Variants in GARS1 observed in about 807,000 individuals in gnomAD.
GARS1 encodes the protein glycine--tRNA ligase.
Under a neutral mutation model 86.4 loss-of-function variants are expected in GARS1, and 46 were observed. The observed-to-expected ratio is 0.53, with a 90% CI of 0.42 to 0.68. The LOEUF is 0.68. Among genes scored for constraint, GARS1 ranks in the 30% least tolerant of loss-of-function variants. The probability of loss-of-function intolerance (pLI) is 0.00; values close to 1 mark genes in which losing one functional copy is unlikely to be tolerated. For synonymous variants in GARS1, 342 were observed against 329.8 expected, an observed-to-expected ratio of 1.04 and a Z score of -0.40; for missense variants, 797 against 915.6, an observed-to-expected ratio of 0.87 and a Z score of 1.67.
intron 7 of GARS1, among the ~76,000 whole-genome samples, chr7:30,611,062 T>C (rs1473112625): frequency 6.6e-6 from 1 of 152,238 alleles, no homozygotes; most frequent in Non-Finnish European, 1.5e-5. Context: ...GTAAAATACT[T>C]ATTCTGAAGT....
intron 12 of GARS1, among the ~76,000 whole-genome samples, chr7:30,625,583 C>T (rs1348748471): frequency 6.6e-6 from 1 of 152,110 alleles, no homozygotes; most frequent in East Asian, 1.9e-4. Flanking sequence ...AGCTGAAATA[C>T]AGGTATTACA....
At chr7:30,631,250 G>A (rs1783229892) in intron 14 of GARS1, 198 bp from the exon 15 acceptor site, 2 of 479,316 alleles carry the variant, frequency 4.2e-6, no homozygotes, top group Non-Finnish European at 7.6e-6. Context: ...CCTAAATTCG[G>A]AGCTGAAACC....
chr7:30,633,340 C>T (rs1259577696), intron 16 of GARS1, among the ~76,000 whole-genome samples: 1 of 152,200 alleles, frequency 6.6e-6, no homozygotes, highest in African/African-American at 2.4e-5. Flanking sequence ...ATGATTCTGA[C>T]GTGCACTCAA....
chr7:30,598,665 T>G, intron 1 of GARS1, 131 bp from the exon 2 acceptor site: 1 of 740,824 alleles, frequency 1.3e-6, no homozygotes, highest in Non-Finnish European at 2.4e-6. Flanking sequence ...ATTACAGGCG[T>G]GAGCCACCAC....
Position 30,633,859 on chromosome 7 carries a change from G to T in GARS1, c.2219G>T (p.Ter740LeuextTer4). Residue 740 changes from the stop codon to leucine, a stop_lost, in exon 17 of 17, where the codon TGA becomes TTA. Transcript: ENST00000389266. ...ETGKKETIEE[*>L] Reference sequence around the variant, plus strand: ...GGTAAAAAAGAGACAATCGAGGAATGAGGACAATTTTGACAACTTTTGACC... The same window carrying T: ...GGTAAAAAAGAGACAATCGAGGAATTAGGACAATTTTGACAACTTTTGACC... 6.5e-7 allele frequency: 1 copy of T among 1,535,696 alleles called. No homozygotes were observed. Among genetic ancestry groups the T allele is most frequent in the African/African-American group, 1.4e-5 (1 of 71,462 alleles).
At chr7:30,626,664 T>G (rs905118728) in intron 13 of GARS1, among the ~76,000 whole-genome samples, 2 of 152,208 alleles carry the variant, frequency 1.3e-5, no homozygotes, top group African/African-American at 4.8e-5. Context: ...ATTCCCTGTC[T>G]TCTTTGGCAA....
At chr7:30,603,660 C>G (rs1791425766) in intron 6 of GARS1, 88 bp downstream of exon 6, 8 of 914,536 alleles carry the variant, frequency 8.7e-6, no homozygotes, top group Non-Finnish European at 1.4e-5. Flanking sequence ...TCCCATTATG[C>G]TGACCCTGGC....
chr7:30,600,972 G>A lies in GARS1; in HGVS notation c.428-87G>A, dbSNP rs554596840. 7.2e-4 allele frequency: 871 copies of A among 1,216,830 alleles called. 15 individuals carry two copies. In the South Asian group the frequency reaches 0.01, roughly 14 times the overall value. 75.4% of individuals were successfully genotyped at this position (1,216,830 alleles called of 1,614,324 possible). ...GTTGACTTGAATACACTTTTAGGGA[G>A]TATAGGTATCAGTTTCTCATGTCTC... On this transcript the variant is annotated intron_variant, in intron 3 of 16. Transcript: ENST00000389266.
chr7:30,598,531 G>A (rs1791305570), intron 1 of GARS1, among the ~76,000 whole-genome samples: 1 of 152,030 alleles, frequency 6.6e-6, no homozygotes, highest in Admixed American at 6.5e-5. Flanking sequence ...TGGGATTACA[G>A]GTGCCCACCA....
intron 9 of GARS1, among the ~76,000 whole-genome samples, chr7:30,616,273 G>GA (rs888602073): frequency 1.3e-5 from 2 of 152,014 alleles, no homozygotes. Flanking sequence ...GGGCTAGCAT[G>GA]AAAAAAAATG....
chr7:30,599,914 C>CCACT (rs779769791), intron 2 of GARS1, 33 bp from the exon 3 acceptor site: 1 of 1,231,196 alleles, frequency 8.1e-7, no homozygotes, highest in East Asian at 2.3e-5. Context: ...ACCCACCCCT[C>CCACT]CACTCACTCA....
intron 10 of GARS1, among the ~76,000 whole-genome samples, chr7:30,620,661 A>G (rs75999212): frequency 0.037 from 5,706 of 152,298 alleles, 359 homozygotes; most frequent in African/African-American, 0.13. Flanking sequence ...CCTGGCATCA[A>G]TGTGATCATA....
intron 14 of GARS1, 32 bp downstream of exon 14, chr7:30,628,701 T>G (rs371941772): frequency 2.3e-4 from 330 of 1,444,200 alleles, no homozygotes; most frequent in Non-Finnish European, 3.0e-4. Context: ...GCTGTTATAG[T>G]GTCAGAAAAT....
chr7:30,633,943 A>G lies in GARS1; in HGVS notation c.*83A>G. 6.5e-7 allele frequency: 1 copy of G among 1,529,646 alleles called. No individual in the cohort carries two copies. The highest frequency in any genetic ancestry group is 8.9e-7 in the Non-Finnish European group (1 of 1,124,346). The allele number at this position is 1,529,646 out of a possible 1,614,324, so 94.8% of individuals were successfully genotyped here. A position where few individuals can be genotyped will look rare whatever the true frequency, so the allele number is the denominator to read the frequency against. On this transcript the variant is annotated 3_prime_UTR_variant, in exon 17 of 17. Transcript: ENST00000389266. ...TTATGTCCACTTTACAAAAGAAAACAGCATTGTGATTACTCCCAGGGACCG... is the reference window on the plus strand; with the variant it reads ...TTATGTCCACTTTACAAAAGAAAACGGCATTGTGATTACTCCCAGGGACCG...
chr7:30,621,633 C>T, intron 11 of GARS1, 133 bp downstream of exon 11: 1 of 765,884 alleles, frequency 1.3e-6, no homozygotes, highest in South Asian at 1.4e-5. Flanking sequence ...TTGTTTAAAC[C>T]TATTATTTTA....
Position 30,632,172 on chromosome 7 carries a change from G to A in GARS1, c.1904-75G>A. On this transcript the variant is annotated intron_variant, in intron 15 of 16. Transcript: ENST00000389266. The surrounding 1 kb of genome is among the most constrained non-coding windows in gnomAD (Gnocchi z 4.1). ...TCCCATTTATAAGTCTCCTGAGCTT[G>A]TAAGACAGTAGTTAGATAACACTGG... The A allele has an allele frequency of 7.1e-7, 1 of 1,411,362 alleles. No homozygotes were observed. Among genetic ancestry groups the A allele is most frequent in the Non-Finnish European group, 9.9e-7 (1 of 1,010,800 alleles). 87.4% of individuals were successfully genotyped at this position (1,411,362 alleles called of 1,614,324 possible). A position where few individuals can be genotyped will look rare whatever the true frequency, so the allele number is the denominator to read the frequency against.
chr7:30,603,498 C>T lies in GARS1; in HGVS notation c.661C>T (p.His221Tyr). The T allele has an allele frequency of 1.2e-6, 2 of 1,612,538 alleles. No homozygotes were observed. Among genetic ancestry groups the T allele is most frequent in the Non-Finnish European group, 1.7e-6 (2 of 1,178,940 alleles). ...ATATGTCAACACTGTTCTTACAGCT[C>T]ATTTACAGAAATTGATGTCTGATAA... is the stretch of plus-strand genomic sequence containing the variant. ...CFRADHLLKA[H>Y]LQKLMSDKKC... Residue 221 changes from histidine to tyrosine, a missense_variant and splice_region_variant, in exon 6 of 17, where the codon CAT (histidine) becomes TAT (tyrosine). This residue lies in a region of GARS1 where 598 missense variants were observed against 738.7 expected (regional missense o/e 0.81). Transcript: ENST00000389266.
chr7:30,623,393 T>A (rs1203371206), intron 12 of GARS1, among the ~76,000 whole-genome samples: 1 of 152,096 alleles, frequency 6.6e-6, no homozygotes, highest in Non-Finnish European at 1.5e-5. Flanking sequence ...AAAATATATG[T>A]GTAATATGGA....
At chr7:30,633,395 T>C (rs1783276094) in intron 16 of GARS1, among the ~76,000 whole-genome samples, 1 of 152,228 alleles carries the variant, frequency 6.6e-6, no homozygotes, top group Non-Finnish European at 1.5e-5. Flanking sequence ...TGGTTTTGGC[T>C]GAGGAACAGT....
Sources: allele counts gnomAD v4.1 joint callset (sites outside exome capture counted in the v4.1 genomes callset), GRCh38; gene constraint gnomAD v4.1.1; regional missense constraint gnomAD v4.1.1; non-coding constraint Gnocchi (gnomAD v3.1); transcripts MANE v1.5; gene names NCBI Gene and HGNC (gene_info 2026-07-23, HGNC 2026-07-21).